The following VAV1 variants were observed in gnomAD, a reference collection of about 807,000 sequenced individuals.
VAV1 encodes vav guanine nucleotide exchange factor 1.
A neutral mutation model predicts 128.1 loss-of-function variants in VAV1; 33 were observed. The observed-to-expected ratio is 0.26, with a 90% CI of 0.20 to 0.34. VAV1 has a LOEUF of 0.34. Among genes scored for constraint, VAV1 ranks in the 10% least tolerant of loss-of-function variants. The pLI is 1.00. For synonymous variants in VAV1, 394 were observed against 409.8 expected (o/e 0.96, Z 0.47); for missense variants, 715 against 1,093.7 (o/e 0.65, Z 4.88).
chr19:6,831,378 C>A (rs1599664798), intron 14 of VAV1, among the ~76,000 whole-genome samples: 2 of 152,236 alleles, frequency 1.3e-5, no homozygotes, highest in East Asian at 3.9e-4. Flanking sequence ...GAGGCATGAT[C>A]TCGGCTCACT....
At chr19:6,780,060 G>A (rs691715) in intron 1 of VAV1, among the ~76,000 whole-genome samples, 46,356 of 145,466 alleles carry the variant, frequency 0.32, 9,851 homozygotes, top group African/African-American at 0.54. Flanking sequence ...GCAGTGAGCC[G>A]AGATCAGGCC....
intron 1 of VAV1, among the ~76,000 whole-genome samples, chr19:6,804,649 T>C (rs1261287862): frequency 6.6e-6 from 1 of 151,722 alleles, no homozygotes; most frequent in Non-Finnish European, 1.5e-5. Context: ...ATTTCCGACC[T>C]CAGGTGTTCT....
chr19:6,847,877 G>A, intron 22 of VAV1, 121 bp from the exon 23 acceptor site: 2 of 890,662 alleles, frequency 2.2e-6, no homozygotes, highest in South Asian at 2.3e-5. Context: ...GGCTGTTAGA[G>A]CCAGGCTGTC....
chr19:6,843,345 T>A (rs2144813337), intron 22 of VAV1, among the ~76,000 whole-genome samples, 179 bp downstream of exon 22: 1 of 152,234 alleles, frequency 6.6e-6, no homozygotes, highest in Admixed American at 6.5e-5. Flanking sequence ...GGAGGGTCCC[T>A]CACCTTGGGA....
At chr19:6,833,479 C>T (rs1231885568) in intron 16 of VAV1, 49 bp from the exon 17 acceptor site, 1 of 1,526,278 alleles carries the variant, frequency 6.6e-7, no homozygotes, top group Non-Finnish European at 8.8e-7. Flanking sequence ...ATATTTGGCC[C>T]TGTCTGTAAA....
chr19:6,814,757 A>T (rs1971608887), intron 1 of VAV1, among the ~76,000 whole-genome samples: 1 of 114,376 alleles, frequency 8.7e-6, no homozygotes, highest in South Asian at 2.7e-4. Context: ...CTTGTCTTGC[A>T]GTACAGGCTG....
chr19:6,795,095 G>T (rs1971101354), intron 1 of VAV1, among the ~76,000 whole-genome samples: 2 of 152,134 alleles, frequency 1.3e-5, no homozygotes, highest in East Asian at 1.9e-4. Context: ...AAGCTGCAAG[G>T]CGTCTTCTAA....
At chr19:6,814,763 G>T (rs1433010743) in intron 1 of VAV1, among the ~76,000 whole-genome samples, 1 of 132,722 alleles carries the variant, frequency 7.5e-6, no homozygotes, top group Non-Finnish European at 1.6e-5. Context: ...TTGCAGTACA[G>T]GCTGAGATCT....
intron 1 of VAV1, among the ~76,000 whole-genome samples, chr19:6,806,172 C>T (rs1319327793): frequency 3.9e-5 from 6 of 152,108 alleles, no homozygotes; most frequent in African/African-American, 1.2e-4. Flanking sequence ...CTGCAACCTC[C>T]GCCACCCGGG....
At chr19:6,781,620 T>G (rs1970767960) in intron 1 of VAV1, among the ~76,000 whole-genome samples, 1 of 152,076 alleles carries the variant, frequency 6.6e-6, no homozygotes, top group Non-Finnish European at 1.5e-5. Flanking sequence ...TTTTTTTTTT[T>G]TTTTTGAGGC....
intron 14 of VAV1, among the ~76,000 whole-genome samples, chr19:6,830,489 G>A (rs981500148): frequency 2.6e-5 from 4 of 151,712 alleles, no homozygotes; most frequent in Admixed American, 2.6e-4. Context: ...GTTCAGGCTG[G>A]AATGCAGTGG....
At chr19:6,821,988 C>T in intron 4 of VAV1, 129 bp downstream of exon 4, 4 of 1,323,974 alleles carry the variant, frequency 3.0e-6, no homozygotes, top group Non-Finnish European at 4.3e-6. Context: ...CACAACCTTG[C>T]CTGAGAGTCT....
intron 1 of VAV1, among the ~76,000 whole-genome samples, chr19:6,797,436 C>T (rs1339273166): frequency 6.6e-6 from 1 of 152,034 alleles, no homozygotes; most frequent in Non-Finnish European, 1.5e-5. Context: ...GGCACAGTGG[C>T]TCATGCCTGT....
chr19:6,850,845 A>C, intron 24 of VAV1, 88 bp downstream of exon 24: 1 of 1,348,486 alleles, frequency 7.4e-7, no homozygotes, highest in South Asian at 1.3e-5. Flanking sequence ...CTTTTCCCAC[A>C]TTCAGGGTGA....
chr19:6,822,439 C>T lies in VAV1; in HGVS notation c.579C>T (p.Asp193=). The change falls in exon 6 of 27, where the codon GAC becomes GAT. Residue 193 remains aspartate (D), a synonymous_variant. Transcript: ENST00000602142. The surrounding 1 kb of genome is among the most constrained non-coding windows in gnomAD (Gnocchi z 5.9). The part of the protein sequence containing the change: ...VSMPPKMTEY[D]KRCCCLREIQ... ...CTCAGCCCAAGATGACAGAGTATGA[C>T]AAGCGCTGCTGCTGCCTGCGGGAGA... is the stretch of plus-strand genomic sequence containing the variant. 1 of 1,562,902 alleles carries T rather than the reference C, an allele frequency of 6.4e-7. No homozygotes were observed. The highest frequency in any genetic ancestry group is 8.7e-7 in the Non-Finnish European group (1 of 1,155,636).
intron 21 of VAV1, among the ~76,000 whole-genome samples, chr19:6,839,275 A>C (rs1435502449): frequency 6.6e-6 from 1 of 150,564 alleles, no homozygotes; most frequent in Non-Finnish European, 1.5e-5. Flanking sequence ...GCTGGTCTTG[A>C]ACTCCTGGGC....
In VAV1 at chr19:6,844,378, G is replaced by C. The variant is rs1207991415; in HGVS notation, c.2012+1212G>C. ...TTACAGGCACCTGCCGCCACACCTGGCTAATTTTTTATATTTTCAGTAAAG... is the reference window on the plus strand; with the variant it reads ...TTACAGGCACCTGCCGCCACACCTGCCTAATTTTTTATATTTTCAGTAAAG... On this transcript the variant is annotated intron_variant, in intron 22 of 26. Transcript: ENST00000602142. Among the ~76,000 whole-genome samples, 3 of 151,896 alleles carry C rather than the reference G, an allele frequency of 2.0e-5. No homozygotes were observed. The East Asian group carries it at 5.8e-4, about 29-fold the overall frequency.
At position 6,788,098 on chromosome 19, in the gene VAV1, A is replaced by C. The variant is rs115415488; in HGVS notation, c.204+15087A>C. On this transcript the variant is annotated intron_variant, in intron 1 of 26. Transcript: ENST00000602142. ...TCTCAAAAACAAACAAACAAACAAA[A>C]AAACATTAAAACATTCAATGGAGAT... Among the ~76,000 whole-genome samples the C allele has an allele frequency of 3.4e-3, 523 of 151,956 alleles. 2 individuals carry two copies. The highest frequency in any genetic ancestry group is 0.012 in the African/African-American group (500 of 41,462).
At chr19:6,778,383 C>T (rs1970691736) in intron 1 of VAV1, among the ~76,000 whole-genome samples, 1 of 152,000 alleles carries the variant, frequency 6.6e-6, no homozygotes, top group African/African-American at 2.4e-5. Flanking sequence ...CTGCTGGGGC[C>T]AAGATGATGT....
Sources: allele counts gnomAD v4.1 joint callset (sites outside exome capture counted in the v4.1 genomes callset), GRCh38; gene constraint gnomAD v4.1.1; non-coding constraint Gnocchi (gnomAD v3.1); transcripts MANE v1.5; gene names NCBI Gene and HGNC (gene_info 2026-07-23, HGNC 2026-07-21).